Variants in SMARCA4 observed in about 807,000 individuals in gnomAD.
SMARCA4 encodes SWI/SNF-related matrix-associated actin-dependent regulator of chromatin subfamily A member 4.
SMARCA4 carries 31 observed loss-of-function variants against 193.9 expected under a neutral mutation model. The observed-to-expected ratio is 0.16, with a 90% CI of 0.12 to 0.22. The LOEUF (loss-of-function observed/expected upper bound fraction) is 0.22, where lower values mean the gene tolerates loss of function less well. Among genes scored for constraint, SMARCA4 ranks in the 10% least tolerant of loss-of-function variants. SMARCA4 has a pLI of 1.00. For synonymous variants in SMARCA4, 942 were observed against 933.1 expected (o/e 1.01, Z -0.17); for missense variants, 1,148 against 2,296.0 (o/e 0.50, Z 10.22).
chr19:10,962,224 A>G (rs1398096476), intron 1 of SMARCA4, among the ~76,000 whole-genome samples: 1 of 152,084 alleles, frequency 6.6e-6, no homozygotes, highest in African/African-American at 2.4e-5. Flanking sequence ...TCCCAAATGG[A>G]ATTGGTGAAA....
chr19:11,049,703 G>C (rs1353088229), intron 30 of SMARCA4, among the ~76,000 whole-genome samples: 1 of 152,194 alleles, frequency 6.6e-6, no homozygotes, highest in African/African-American at 2.4e-5. Context: ...GCTCAGAGAA[G>C]GGCATCTGCT....
At chr19:11,014,867 C>G (rs1319013824) in intron 16 of SMARCA4, among the ~76,000 whole-genome samples, 1 of 151,796 alleles carries the variant, frequency 6.6e-6, no homozygotes, top group Non-Finnish European at 1.5e-5. Flanking sequence ...GCCTGGAGTG[C>G]AGTGGTGCCA....
chr19:11,026,418 T>C, intron 23 of SMARCA4, 72 bp downstream of exon 23: 1 of 1,139,502 alleles, frequency 8.8e-7, no homozygotes, highest in Non-Finnish European at 1.3e-6. Flanking sequence ...TTGTTGGCTT[T>C]ATTGCTGCTG....
intron 30 of SMARCA4, among the ~76,000 whole-genome samples, chr19:11,050,643 T>A (rs1391510772): frequency 6.6e-6 from 1 of 152,226 alleles, no homozygotes; most frequent in Non-Finnish European, 1.5e-5. Flanking sequence ...CCCTCCTGGC[T>A]CTTCAGAGTT....
intron 13 of SMARCA4, among the ~76,000 whole-genome samples, chr19:11,006,891 C>T (rs1465932533): frequency 6.6e-6 from 1 of 151,864 alleles, no homozygotes; most frequent in Non-Finnish European, 1.5e-5. Context: ...TTGAGACCAG[C>T]CTGGGCAACA....
rs530735246 is a variant in SMARCA4 at position 11,000,676 on chromosome 19, C to T, written c.1813-2353C>T. Among the ~76,000 whole-genome samples the T allele has an allele frequency of 7.2e-5, 11 of 152,038 alleles. No individual in the cohort carries two copies. The South Asian group carries it at 1.9e-3, about 26-fold the overall frequency. ...CAGGCAGATCATGAGGTCAGGAGTT[C>T]GAGACCAGTCTGGCCAGTATGGTGA... On this transcript the variant is annotated intron_variant, in intron 11 of 34. Coordinates refer to ENST00000344626, the MANE Select transcript of SMARCA4 (RefSeq NM_003072.5).
chr19:11,045,126 C>G (rs1333714683), intron 30 of SMARCA4, among the ~76,000 whole-genome samples: 1 of 152,210 alleles, frequency 6.6e-6, no homozygotes, highest in Non-Finnish European at 1.5e-5. Context: ...TGAGACCATC[C>G]TGGCTAACAT....
At chr19:11,016,465 T>A (rs2089373645) in intron 16 of SMARCA4, among the ~76,000 whole-genome samples, 1 of 152,236 alleles carries the variant, frequency 6.6e-6, no homozygotes, top group East Asian at 1.9e-4. Context: ...TTCTGTCCGC[T>A]CTTCTCTACA....
chr19:10,986,134 TA>T lies in SMARCA4; in HGVS notation c.356-50del. On this transcript the variant is annotated intron_variant, in intron 3 of 34. Transcript: ENST00000344626. The surrounding 1 kb of genome is among the most constrained non-coding windows in gnomAD (Gnocchi z 6.7). ...GAGCTGGTGTAGGGGGAAGAGGCTGTAAAAATCACAGACATATGCTGCCGAG... is the reference window on the plus strand; with the variant it reads ...GAGCTGGTGTAGGGGGAAGAGGCTGTAAAATCACAGACATATGCTGCCGAG... 1 of 1,456,816 alleles carries T rather than the reference TA, an allele frequency of 6.9e-7. No individual in the cohort carries two copies. The highest frequency in any genetic ancestry group is 9.6e-7 in the Non-Finnish European group (1 of 1,037,772). The allele number at this position is 1,456,816 out of a possible 1,614,324, so 90.2% of individuals were successfully genotyped here. A position where few individuals can be genotyped will look rare whatever the true frequency, so the allele number is the denominator to read the frequency against.
In SMARCA4 at chr19:11,056,691, G is replaced by A. The variant is rs8112727; in HGVS notation, c.4425-1564G>A. Reference sequence around the variant, plus strand: ...GTGCAGGGACAGGATTCTGGCTCCCGTGTGTAACGTCTGCATCTCAGGAGG... The same window carrying A: ...GTGCAGGGACAGGATTCTGGCTCCCATGTGTAACGTCTGCATCTCAGGAGG... On this transcript the variant is annotated intron_variant, in intron 30 of 34. Coordinates refer to ENST00000344626, the MANE Select transcript of SMARCA4 (RefSeq NM_003072.5). Among the ~76,000 whole-genome samples the A allele has an allele frequency of 4.8e-3, 729 of 152,294 alleles. 5 individuals are homozygous for A. Among genetic ancestry groups the A allele is most frequent in the African/African-American group, 0.017 (686 of 41,574 alleles).
At chr19:10,999,257 G>A (rs767527914) in intron 11 of SMARCA4, among the ~76,000 whole-genome samples, 34 of 152,098 alleles carry the variant, frequency 2.2e-4, no homozygotes, top group Non-Finnish European at 4.6e-4. Context: ...CTGACTTTGG[G>A]GGTGCTTCCT....
chr19:11,060,415 G>T (rs1355342710), intron 34 of SMARCA4: 3 of 617,008 alleles, frequency 4.9e-6, no homozygotes, highest in South Asian at 1.9e-5. Flanking sequence ...GTACCCGTGG[G>T]TGTCTGGGGA....
Position 11,058,418 on chromosome 19 carries a change from A to AG in SMARCA4, c.4533+59dup, listed in dbSNP as rs2076670490. On this transcript the variant is annotated intron_variant, in intron 31 of 34. Coordinates refer to ENST00000344626, the MANE Select transcript of SMARCA4 (RefSeq NM_003072.5). The surrounding 1 kb of genome is among the most constrained non-coding windows in gnomAD (Gnocchi z 5.8). ...ATGTGCCCGGAGGGGAGTCTGACCC[A>AG]GGGGCACCCCCATCTGAGAGCTGTG... is the stretch of plus-strand genomic sequence containing the variant. 1.6e-6 allele frequency: 2 copies of AG among 1,226,898 alleles called. No homozygotes were observed. The highest frequency in any genetic ancestry group is 2.4e-5 in the East Asian group (1 of 42,410). 76.0% of individuals were successfully genotyped at this position (1,226,898 alleles called of 1,614,324 possible).
At position 10,991,307 on chromosome 19, in the gene SMARCA4, G is replaced by T; in HGVS notation, c.1403G>T (p.Arg468Leu). The change falls in exon 8 of 35, where the codon CGC becomes CTC. Residue 468 changes from arginine (R) to leucine (L), a missense_variant. Physicochemically the swap from Arg to Leu is moderately radical, Grantham distance 102. This residue lies in a region of SMARCA4 where 69 missense variants were observed against 186.9 expected (regional missense o/e 0.37). Transcript: ENST00000344626. The stretch of plus-strand genomic sequence containing the variant: ...CAGAAGATCGAGCAGGAGCGCAAGC[G>T]CCGGCAGAAGCACCAGGTACGCTCC... ...KQQKIEQERKRRQKHQEYLNS... is the reference protein window; with the variant it reads ...KQQKIEQERKLRQKHQEYLNS... The T allele has an allele frequency of 6.2e-7, 1 of 1,601,968 alleles. No homozygotes were observed. Among genetic ancestry groups the T allele is most frequent in the Non-Finnish European group, 8.5e-7 (1 of 1,174,874 alleles).
Position 11,041,334 on chromosome 19 carries a change from ATCGAAGAGGAGG to A in SMARCA4, c.4201_4212del (p.Glu1401_Val1404del). The A allele has an allele frequency of 6.2e-7, 1 of 1,611,818 alleles. No individual in the cohort carries two copies. Among genetic ancestry groups the A allele is most frequent in the Non-Finnish European group, 8.5e-7 (1 of 1,179,966 alleles). ...CATCGAGGAGGGCACGCTGGAGGAG[ATCGAAGAGGAGG>A]TCCGGCAGAAGAAATCATCACGGAA... On this transcript the variant is annotated inframe_deletion, in exon 30 of 35. Coordinates refer to ENST00000344626, the MANE Select transcript of SMARCA4 (RefSeq NM_003072.5). This position sits in a 1 kb window ranked among gnomAD's most constrained non-coding sequence, Gnocchi z 5.6.
At chr19:10,974,687 ATATTTTTTTTTTTTTTTTTTTTT>A (rs957950957) in intron 1 of SMARCA4, among the ~76,000 whole-genome samples, 2 of 46,222 alleles carry the variant, frequency 4.3e-5, no homozygotes, top group African/African-American at 1.9e-4. Flanking sequence ...ATATATATAT[ATATTTTTTTTTTTTTTTTTTTTT>A]TTTTTTTTTT....
chr19:11,032,606 G>T (rs990454391), intron 25 of SMARCA4: 5 of 152,860 alleles, frequency 3.3e-5, no homozygotes, highest in Admixed American at 3.2e-4. Flanking sequence ...GGCAGAGGTT[G>T]CAGTGAGCTG....
Position 11,031,088 on chromosome 19 carries a change from CA to C in SMARCA4, c.3546+198del, listed in dbSNP as rs1160651676. The C allele has an allele frequency of 3.1e-6, 2 of 639,018 alleles. No homozygotes were observed. Among genetic ancestry groups the C allele is most frequent in the Non-Finnish European group, 5.7e-6 (2 of 353,772 alleles). The allele number at this position is 639,018 out of a possible 1,614,324, so 39.6% of individuals were successfully genotyped here. On this transcript the variant is annotated intron_variant, in intron 25 of 34. Coordinates refer to ENST00000344626, the MANE Select transcript of SMARCA4 (RefSeq NM_003072.5). The surrounding 1 kb of genome is among the most constrained non-coding windows in gnomAD (Gnocchi z 4.3). ...CGGGGTCCTCCTGTTTCCCAAAATA[CA>C]AACAGCCTTTCCCTCTGATTGGGAA...
At chr19:11,057,865 T>G (rs576739736) in intron 30 of SMARCA4, among the ~76,000 whole-genome samples, 22 of 151,898 alleles carry the variant, frequency 1.4e-4, no homozygotes, top group Non-Finnish European at 3.1e-4. Flanking sequence ...CACTTTGGGA[T>G]GCTGAGGCGG....
Sources: gnomAD v4.1 joint callset for allele counts (sites outside exome capture counted in the v4.1 genomes callset) on GRCh38, gnomAD v4.1.1 for gene constraint, gnomAD v4.1.1 regional missense constraint, Gnocchi (gnomAD v3.1) non-coding constraint, MANE v1.5 for transcripts, NCBI Gene and HGNC (gene_info 2026-07-23, HGNC 2026-07-21) for gene names.